GAN: variants seen among roughly 807,000 people sequenced by gnomAD.
GAN encodes the protein gigaxonin.
Under a neutral mutation model 71.3 loss-of-function variants are expected in GAN, and 48 were observed. That is an observed-to-expected ratio of 0.67 (90% CI 0.53 to 0.86). The LOEUF (loss-of-function observed/expected upper bound fraction) is 0.86, where lower values mean the gene tolerates loss of function less well. GAN is among the 40% of genes least tolerant of loss of function. The probability of loss-of-function intolerance (pLI) is 0.00; values close to 1 mark genes in which losing one functional copy is unlikely to be tolerated. For missense variants in GAN, 928 were observed against 770.1 expected, an observed-to-expected ratio of 1.21 and a Z score of -2.43; for synonymous variants, 386 against 276.8, an observed-to-expected ratio of 1.39 and a Z score of -3.92.
chr16:81,358,733 C>T (rs1198770471), intron 5 of GAN, among the ~76,000 whole-genome samples: 1 of 152,146 alleles, frequency 6.6e-6, no homozygotes, highest in Non-Finnish European at 1.5e-5. Context: ...GAAAACTGCT[C>T]TACTTTATCC....
At position 81,390,174 on chromosome 16, in the gene GAN, A is replaced by C. The variant is rs1471743819; in HGVS notation, c.*12578A>C. ...CTAAATAGGCAGGTTTAGAAAGTTC[A>C]AAATATTGGAAGTGCTAGAAGGCTG... On this transcript the variant is annotated 3_prime_UTR_variant, in exon 11 of 11. Coordinates refer to ENST00000648994, the MANE Select transcript of GAN (RefSeq NM_022041.4). The C allele has an allele frequency of 6.6e-6, 1 of 152,228 alleles. No homozygotes were observed. Among genetic ancestry groups the C allele is most frequent in the African/African-American group, 2.4e-5 (1 of 41,466 alleles). The allele number at this position is 152,228 out of a possible 1,614,324, so 9.4% of individuals were successfully genotyped here.
At chr16:81,318,776 C>T (rs548540635) in intron 1 of GAN, among the ~76,000 whole-genome samples, 1 of 152,324 alleles carries the variant, frequency 6.6e-6, no homozygotes, top group South Asian at 2.1e-4. Context: ...GAAAACTCAG[C>T]TTTGGCAACA....
chr16:81,319,422 C>G (rs150757703), intron 1 of GAN, among the ~76,000 whole-genome samples: 82 of 152,028 alleles, frequency 5.4e-4, no homozygotes, highest in African/African-American at 1.9e-3. Flanking sequence ...TCCCATTGAT[C>G]TGATGCAAAG....
chr16:81,375,459 G>C (rs776123947), intron 9 of GAN, among the ~76,000 whole-genome samples: 2 of 150,296 alleles, frequency 1.3e-5, no homozygotes, highest in Non-Finnish European at 3.0e-5. Flanking sequence ...ACCTCAGCCT[G>C]AGTAGCTGGG....
At chr16:81,337,963 G>A (rs1230723011) in intron 1 of GAN, among the ~76,000 whole-genome samples, 2 of 152,160 alleles carry the variant, frequency 1.3e-5, no homozygotes, top group East Asian at 3.9e-4. Flanking sequence ...TCAGGGCTGA[G>A]TCTCTGCAGT....
intron 1 of GAN, among the ~76,000 whole-genome samples, chr16:81,324,307 A>G (rs968714398): frequency 2.0e-5 from 3 of 151,710 alleles, no homozygotes; most frequent in Admixed American, 2.0e-4. Flanking sequence ...AAGGGGTCTA[A>G]TTACAGAGCC....
At chr16:81,369,995 G>A (rs1910986474) in intron 9 of GAN, among the ~76,000 whole-genome samples, 1 of 152,188 alleles carries the variant, frequency 6.6e-6, no homozygotes, top group Non-Finnish European at 1.5e-5. Flanking sequence ...ATGAGGCACA[G>A]TTCCCAACCT....
intron 7 of GAN, among the ~76,000 whole-genome samples, chr16:81,364,653 C>T (rs1445242884): frequency 1.3e-5 from 2 of 152,132 alleles, no homozygotes; most frequent in East Asian, 3.9e-4. Context: ...GGCACCACTG[C>T]ACTCCAGCCA....
At chr16:81,350,644 C>T (rs1448659530) in intron 1 of GAN, among the ~76,000 whole-genome samples, 1 of 151,888 alleles carries the variant, frequency 6.6e-6, no homozygotes, top group Non-Finnish European at 1.5e-5. Context: ...GCCTCCTGAG[C>T]TGCTGGGATT....
At chr16:81,352,589 CTGTT>C (rs1293221401) in intron 2 of GAN, among the ~76,000 whole-genome samples, 1 of 152,074 alleles carries the variant, frequency 6.6e-6, no homozygotes, top group Non-Finnish European at 1.5e-5. Flanking sequence ...TCTGTAGGGG[CTGTT>C]TGTCTTACAT....
rs749638084 is a variant in GAN, at chr16:81,365,455, G to A, written c.1479G>A (p.Glu493=). ...GCGAGATGGTAACTTGCAAGTCCGA[G>A]TTCTACCATGATGAGTTTAAAAGGT... The part of the protein sequence containing the change: ...QGSEMVTCKS[E]FYHDEFKRWI... The change falls in exon 9 of 11, where the codon GAG becomes GAA. Residue 493 remains glutamate (E), a synonymous_variant. Coordinates refer to ENST00000648994, the MANE Select transcript of GAN (RefSeq NM_022041.4). 3.1e-6 allele frequency: 5 copies of A among 1,613,482 alleles called. No homozygotes were observed. Among genetic ancestry groups the A allele is most frequent in the Admixed American group, 1.7e-5 (1 of 59,912 alleles).
At chr16:81,332,388 A>T (rs549743107) in intron 1 of GAN, among the ~76,000 whole-genome samples, 57 of 152,298 alleles carry the variant, frequency 3.7e-4, no homozygotes, top group African/African-American at 1.3e-3. Context: ...AGTGCTTTCT[A>T]CACTGGTCCT....
chr16:81,365,253 A>AG, intron 8 of GAN, 97 bp from the exon 9 acceptor site: 1 of 1,567,114 alleles, frequency 6.4e-7, no homozygotes, highest in Non-Finnish European at 8.8e-7. Context: ...AGGCCCACGT[A>AG]GTAATGCTGC....
intron 9 of GAN, among the ~76,000 whole-genome samples, chr16:81,375,546 G>T (rs1436600763): frequency 6.6e-6 from 1 of 151,878 alleles, no homozygotes; most frequent in East Asian, 1.9e-4. Context: ...AGCTGGTCTT[G>T]AACTCCTGGG....
At chr16:81,315,403 C>T (rs1382660522) in intron 1 of GAN, 123 bp downstream of exon 1, 2 of 616,564 alleles carry the variant, frequency 3.2e-6, no homozygotes, top group East Asian at 4.4e-5. Flanking sequence ...CCCCGCGTCA[C>T]CGTTGGCGCG....
At chr16:81,367,577 T>C (rs1910901964) in intron 9 of GAN, among the ~76,000 whole-genome samples, 1 of 152,196 alleles carries the variant, frequency 6.6e-6, no homozygotes, top group South Asian at 2.1e-4. Flanking sequence ...ATTCAGTTCC[T>C]TATTTCTAAG....
intron 5 of GAN, 36 bp downstream of exon 5, chr16:81,357,967 A>G (rs1461367857): frequency 3.2e-6 from 5 of 1,568,650 alleles, no homozygotes; most frequent in Middle Eastern, 1.7e-4. Flanking sequence ...TAAACAGCAG[A>G]TCAAGTAATG....
Position 81,378,051 on chromosome 16 carries a change from G to T in GAN, c.*455G>T. The T allele has an allele frequency of 8.6e-6, 2 of 232,904 alleles. No individual in the cohort carries two copies. The highest frequency in any genetic ancestry group is 2.2e-5 in the African/African-American group (1 of 44,544). The allele number at this position is 232,904 out of a possible 1,614,324, so 14.4% of individuals were successfully genotyped here. ...GACTGCTTTTCCACTGCACTTGGAA[G>T]GATATATTATGCCTAACCCTGCCCA... On this transcript the variant is annotated 3_prime_UTR_variant, in exon 11 of 11. Coordinates refer to ENST00000648994, the MANE Select transcript of GAN (RefSeq NM_022041.4).
rs1335364953 is a variant in GAN, at chr16:81,371,299, C to G, written c.1502+5821C>G. ...GTTAATTCCAGTATCTGAGTCATCT[C>G]AAGAGTTGGCGTCTATTGATTGTTT... On this transcript the variant is annotated intron_variant, in intron 9 of 10. Coordinates refer to ENST00000648994, the MANE Select transcript of GAN (RefSeq NM_022041.4). Among the ~76,000 whole-genome samples the G allele has an allele frequency of 2.0e-5, 3 of 152,156 alleles. No individual in the cohort carries two copies. In the East Asian group the frequency reaches 5.8e-4, roughly 29 times the overall value.
Sources: allele counts gnomAD v4.1 joint callset (sites outside exome capture counted in the v4.1 genomes callset), GRCh38; gene constraint gnomAD v4.1.1; transcripts MANE v1.5; gene names NCBI Gene and HGNC (gene_info 2026-07-23, HGNC 2026-07-21).